Variants in MKLN1 observed in about 807,000 individuals in gnomAD.
MKLN1 encodes muskelin 1, also known as muskelin.
Under a neutral mutation model 99.0 loss-of-function variants are expected in MKLN1, and 18 were observed. That is an observed-to-expected ratio of 0.18 (90% CI 0.13 to 0.27). The LOEUF (loss-of-function observed/expected upper bound fraction) is 0.27, where lower values mean the gene tolerates loss of function less well. Ranked by LOEUF, MKLN1 falls within the 10% of genes least tolerant of loss-of-function variation. MKLN1 has a pLI of 1.00. For synonymous variants in MKLN1, 288 were observed against 293.2 expected (o/e 0.98, Z 0.18); for missense variants, 621 against 875.9 (o/e 0.71, Z 3.67).
chr7:131,421,689 A>G (rs2116388790), intron 8 of MKLN1, among the ~76,000 whole-genome samples: 1 of 152,352 alleles, frequency 6.6e-6, no homozygotes, highest in Non-Finnish European at 1.5e-5. Flanking sequence ...AGAGAATTTT[A>G]TATGACTCAA....
chr7:131,374,692 T>G (rs183947188), intron 1 of MKLN1, among the ~76,000 whole-genome samples: 41 of 152,258 alleles, frequency 2.7e-4, no homozygotes, highest in South Asian at 6.2e-4. Context: ...TCTTCTAAAG[T>G]TACTTATATC....
intron 3 of MKLN1, among the ~76,000 whole-genome samples, chr7:131,312,968 T>A (rs1798596008): frequency 6.6e-6 from 1 of 152,162 alleles, no homozygotes; most frequent in Non-Finnish European, 1.5e-5. Context: ...ACTTGTCTAG[T>A]CCTCAGAATC....
intron 1 of MKLN1, among the ~76,000 whole-genome samples, chr7:131,357,420 ATACTG>A (rs1241537414): frequency 6.6e-6 from 1 of 152,152 alleles, no homozygotes; most frequent in African/African-American, 2.4e-5. Context: ...TCCCTTTTGC[ATACTG>A]TACTTTGGAA....
chr7:131,117,117 A>G (rs544881026), intron 1 of MKLN1, among the ~76,000 whole-genome samples: 3 of 152,102 alleles, frequency 2.0e-5, no homozygotes, highest in South Asian at 2.1e-4. Flanking sequence ...ACAGCCATCA[A>G]TAGAGAAGTG....
At chr7:131,162,697 T>C (rs1361858735) in intron 2 of MKLN1, among the ~76,000 whole-genome samples, 1 of 152,186 alleles carries the variant, frequency 6.6e-6, no homozygotes, top group African/African-American at 2.4e-5. Flanking sequence ...TCCGAAATAC[T>C]TGTGGTCCCA....
chr7:131,441,014 A>G (rs3847110), intron 10 of MKLN1, among the ~76,000 whole-genome samples: 144,932 of 152,274 alleles, frequency 0.95, 69,004 homozygotes, highest in East Asian at 1. Flanking sequence ...TTCAGTGCCA[A>G]GAGATAATAG....
At chr7:131,281,611 T>C (rs1798053425) in intron 3 of MKLN1, among the ~76,000 whole-genome samples, 1 of 152,196 alleles carries the variant, frequency 6.6e-6, no homozygotes, top group South Asian at 2.1e-4. Flanking sequence ...ATTTCATTTT[T>C]CAGGATTATT....
At chr7:131,464,953 C>T (rs1244124649) in intron 14 of MKLN1, among the ~76,000 whole-genome samples, 1 of 152,094 alleles carries the variant, frequency 6.6e-6, no homozygotes, top group Non-Finnish European at 1.5e-5. Context: ...AGTGATTGGA[C>T]TTAGATTACA....
In MKLN1 at chr7:131,452,241, C is replaced by T. The variant is rs574808867; in HGVS notation, c.1525+6338C>T. On this transcript the variant is annotated intron_variant, in intron 12 of 17. Transcript: ENST00000352689. ...GAAAAATTATATAACTTCTCTGAAC[C>T]TGATTATTCATCTGAAAATGAGGAG... Among the ~76,000 whole-genome samples, 7 of 152,174 alleles carry T rather than the reference C, an allele frequency of 4.6e-5. No homozygotes were observed. In the East Asian group the frequency reaches 1.4e-3, roughly 29 times the overall value.
intron 3 of MKLN1, among the ~76,000 whole-genome samples, chr7:131,287,147 G>A (rs186373042): frequency 1.3e-5 from 2 of 152,296 alleles, no homozygotes; most frequent in African/African-American, 4.8e-5. Context: ...TAAAAGGCAG[G>A]CAAAAGAATG....
chr7:131,354,864 T>G (rs1237177499), intron 1 of MKLN1, among the ~76,000 whole-genome samples: 2 of 152,212 alleles, frequency 1.3e-5, no homozygotes, highest in Non-Finnish European at 2.9e-5. Context: ...ATTATAAAGC[T>G]CATATTTCCC....
At chr7:131,365,636 G>T (rs1800157109) in intron 1 of MKLN1, among the ~76,000 whole-genome samples, 1 of 152,076 alleles carries the variant, frequency 6.6e-6, no homozygotes, top group Admixed American at 6.6e-5. Flanking sequence ...GTGAGGAAGG[G>T]AGTCCAGCCT....
At chr7:131,214,416 C>T (rs1022065541) in intron 3 of MKLN1, among the ~76,000 whole-genome samples, 7 of 152,106 alleles carry the variant, frequency 4.6e-5, no homozygotes, top group Admixed American at 2.0e-4. Flanking sequence ...AAAAGACTTG[C>T]CCTTCCTATG....
At chr7:131,376,782 T>C (rs915794299) in intron 2 of MKLN1, among the ~76,000 whole-genome samples, 2 of 152,056 alleles carry the variant, frequency 1.3e-5, no homozygotes, top group East Asian at 3.9e-4. Flanking sequence ...CCCCCTCTTA[T>C]ATCTTTCCTC....
intron 3 of MKLN1, among the ~76,000 whole-genome samples, chr7:131,301,023 G>A (rs780479678): frequency 4.6e-5 from 7 of 152,140 alleles, no homozygotes; most frequent in Admixed American, 1.3e-4. Flanking sequence ...AAGACTTAAC[G>A]TGAGAAAGTC....
chr7:131,359,484 C>T (rs1189743736), intron 1 of MKLN1, among the ~76,000 whole-genome samples: 2 of 152,164 alleles, frequency 1.3e-5, no homozygotes, highest in African/African-American at 4.8e-5. Flanking sequence ...GTGAAATACT[C>T]TGCAAAGTCA....
intron 1 of MKLN1, among the ~76,000 whole-genome samples, chr7:131,328,901 G>A (rs1009866779): frequency 3.9e-5 from 6 of 151,978 alleles, no homozygotes; most frequent in Non-Finnish European, 8.8e-5. Flanking sequence ...TTTATCTTTG[G>A]CTTATCTTTG....
intron 13 of MKLN1, among the ~76,000 whole-genome samples, chr7:131,464,017 A>G (rs116009350): frequency 0.016 from 2,464 of 152,322 alleles, 46 homozygotes; most frequent in African/African-American, 0.054. Flanking sequence ...ACAAGATAGC[A>G]TCTCTTTCAG....
chr7:131,170,370 T>TAACATAAAACAGAA (rs1200352068), intron 2 of MKLN1, among the ~76,000 whole-genome samples: 1 of 152,232 alleles, frequency 6.6e-6, no homozygotes, highest in Non-Finnish European at 1.5e-5. Flanking sequence ...TATGTTATAT[T>TAACATAAAACAGAA]GGCTGTTTTG....
Sources: allele counts gnomAD v4.1 joint callset (sites outside exome capture counted in the v4.1 genomes callset), GRCh38; gene constraint gnomAD v4.1.1; transcripts MANE v1.5; gene names NCBI Gene and HGNC (gene_info 2026-07-23, HGNC 2026-07-21).